Variants in RNGTT observed in about 807,000 individuals in gnomAD.
RNGTT encodes the protein mRNA-capping enzyme.
In RNGTT, 33 loss-of-function variants were observed where a neutral mutation model predicts 79.3. That is an observed-to-expected ratio of 0.42 (90% CI 0.32 to 0.56). RNGTT has a LOEUF of 0.56. RNGTT is among the 20% of genes least tolerant of loss of function. The pLI is 0.17. For synonymous variants in RNGTT, 222 were observed against 235.9 expected (o/e 0.94, Z 0.54); for missense variants, 497 against 739.1 (o/e 0.67, Z 3.80).
intron 8 of RNGTT, among the ~76,000 whole-genome samples, chr6:88,881,759 AC>A (rs1191162896): frequency 1.3e-5 from 2 of 152,186 alleles, no homozygotes; most frequent in African/African-American, 4.8e-5. Context: ...TTTGTTAACA[AC>A]AGCCAAAGGA....
At chr6:88,791,896 T>C (rs932585012) in intron 12 of RNGTT, among the ~76,000 whole-genome samples, 1 of 152,134 alleles carries the variant, frequency 6.6e-6, no homozygotes, top group Non-Finnish European at 1.5e-5. Context: ...TTTAAAATAG[T>C]TCACTCTAAA....
At chr6:88,726,189 G>A (rs1275207195) in intron 13 of RNGTT, among the ~76,000 whole-genome samples, 1 of 152,080 alleles carries the variant, frequency 6.6e-6, no homozygotes, top group Non-Finnish European at 1.5e-5. Context: ...GTGTAAATAA[G>A]GGCATAGCCC....
chr6:88,926,684 C>T (rs1784329171), intron 4 of RNGTT, among the ~76,000 whole-genome samples: 1 of 152,180 alleles, frequency 6.6e-6, no homozygotes, highest in South Asian at 2.1e-4. Flanking sequence ...AGGATATAAT[C>T]CACACTCTAG....
intron 13 of RNGTT, among the ~76,000 whole-genome samples, chr6:88,689,385 G>A (rs1293571306): frequency 6.6e-6 from 1 of 152,130 alleles, no homozygotes; most frequent in African/African-American, 2.4e-5. Context: ...CCTAAGGTCA[G>A]CGGTTCGAGA....
intron 12 of RNGTT, among the ~76,000 whole-genome samples, chr6:88,799,656 C>G (rs1048904275): frequency 7.0e-6 from 1 of 143,234 alleles, no homozygotes; most frequent in Non-Finnish European, 1.5e-5. Flanking sequence ...GCCAACATTG[C>G]GCCATTGCAC....
chr6:88,963,419 C>T lies in RNGTT; in HGVS notation c.-10G>A, dbSNP rs1207480645. On this transcript the variant is annotated 5_prime_UTR_variant, in exon 1 of 16. Transcript: ENST00000369485. ...TCTTGTTGTGAGCCATGTCTTGGGG[C>T]TGCGCAGAGCTGCCCTCCCTCACCA... 6.3e-7 allele frequency: 1 copy of T among 1,577,074 alleles called. No individual in the cohort carries two copies. The highest frequency in any genetic ancestry group is 8.6e-7 in the Non-Finnish European group (1 of 1,158,642).
intron 4 of RNGTT, among the ~76,000 whole-genome samples, chr6:88,923,690 A>T (rs1784231608): frequency 6.6e-6 from 1 of 152,084 alleles, no homozygotes; most frequent in Admixed American, 6.6e-5. Flanking sequence ...TACCCACCTA[A>T]TGTTAGGTGC....
intron 4 of RNGTT, among the ~76,000 whole-genome samples, chr6:88,923,326 T>C (rs1193335707): frequency 1.3e-5 from 2 of 152,222 alleles, no homozygotes; most frequent in East Asian, 1.9e-4. Context: ...TTTATGTCCA[T>C]CTCTGACTAC....
chr6:88,632,160 C>T (rs1050048697), intron 14 of RNGTT, among the ~76,000 whole-genome samples: 3 of 152,106 alleles, frequency 2.0e-5, no homozygotes, highest in African/African-American at 7.2e-5. Flanking sequence ...GGGAGTTTCA[C>T]CATGTTGCCC....
At chr6:88,856,508 CAT>C (rs1196436973) in intron 8 of RNGTT, among the ~76,000 whole-genome samples, 5 of 152,144 alleles carry the variant, frequency 3.3e-5, no homozygotes, top group Admixed American at 2.6e-4. Context: ...TCTATGCACA[CAT>C]GTGTATAAAC....
At chr6:88,745,702 G>T (rs1777638917) in intron 13 of RNGTT, among the ~76,000 whole-genome samples, 1 of 151,624 alleles carries the variant, frequency 6.6e-6, no homozygotes, top group African/African-American at 2.4e-5. Context: ...TTCATTACAT[G>T]GCTGGAAAAC....
intron 8 of RNGTT, among the ~76,000 whole-genome samples, chr6:88,854,746 T>C (rs1199943563): frequency 6.6e-6 from 1 of 152,182 alleles, no homozygotes; most frequent in Non-Finnish European, 1.5e-5. Flanking sequence ...TATGGGGGAA[T>C]TCATACACTT....
intron 4 of RNGTT, among the ~76,000 whole-genome samples, chr6:88,912,312 G>A (rs1783852778): frequency 6.6e-6 from 1 of 152,042 alleles, no homozygotes; most frequent in South Asian, 2.1e-4. Flanking sequence ...CTCAGGCTAG[G>A]GCAGGAAGAC....
At chr6:88,851,383 CTTGA>C (rs1472644855) in intron 9 of RNGTT, among the ~76,000 whole-genome samples, 2 of 151,778 alleles carry the variant, frequency 1.3e-5, no homozygotes, top group Admixed American at 6.6e-5. Flanking sequence ...AATGTCATCT[CTTGA>C]TTGTTTATTT....
chr6:88,891,533 C>T (rs1423804890), intron 7 of RNGTT, among the ~76,000 whole-genome samples: 2 of 152,102 alleles, frequency 1.3e-5, no homozygotes, highest in East Asian at 3.9e-4. Context: ...CTAGCTCAAA[C>T]ATTAATCAGT....
At chr6:88,803,443 G>A (rs767663244) in intron 11 of RNGTT, among the ~76,000 whole-genome samples, 42 of 151,488 alleles carry the variant, frequency 2.8e-4, no homozygotes, top group Admixed American at 5.3e-4. Context: ...GTGTGGTGGC[G>A]CGCGCCTGTA....
chr6:88,791,319 T>C (rs1402490351), intron 12 of RNGTT, among the ~76,000 whole-genome samples: 2 of 151,846 alleles, frequency 1.3e-5, no homozygotes, highest in Non-Finnish European at 2.9e-5. Flanking sequence ...TTTCATTCTT[T>C]ATAGAGATGG....
chr6:88,800,177 A>G (rs762449123), intron 12 of RNGTT, among the ~76,000 whole-genome samples: 1 of 152,216 alleles, frequency 6.6e-6, no homozygotes, highest in Non-Finnish European at 1.5e-5. Flanking sequence ...CTTTACATGC[A>G]TAGGTTGAAT....
At chr6:88,678,234 T>C in intron 14 of RNGTT, 119 bp downstream of exon 14, 1 of 1,414,682 alleles carries the variant, frequency 7.1e-7, no homozygotes, top group Non-Finnish European at 9.4e-7. Flanking sequence ...CCACCTGTCT[T>C]AGCCTCCCAA....
Sources: allele counts gnomAD v4.1 joint callset (sites outside exome capture counted in the v4.1 genomes callset), GRCh38; gene constraint gnomAD v4.1.1; transcripts MANE v1.5; gene names NCBI Gene and HGNC (gene_info 2026-07-23, HGNC 2026-07-21).